Variants in PRPF4 observed in about 807,000 individuals in gnomAD.
PRPF4 encodes pre-mRNA splicing tri-snRNP complex factor PRPF4, also known as U4/U6 small nuclear ribonucleoprotein Prp4.
In PRPF4, 14 loss-of-function variants were observed where a neutral mutation model predicts 72.2. The observed-to-expected ratio is 0.19, with a 90% CI of 0.13 to 0.30. The LOEUF is 0.30. PRPF4 is among the 10% of genes least tolerant of loss of function. The probability of loss-of-function intolerance (pLI) is 1.00; values close to 1 mark genes in which losing one functional copy is unlikely to be tolerated. For missense variants in PRPF4, 478 were observed against 653.9 expected (o/e 0.73, Z 2.93); for synonymous variants, 225 against 232.2 (o/e 0.97, Z 0.28).
rs550478749 is a variant in PRPF4 at position 113,275,703 on chromosome 9, T to C, written c.-41T>C. 254 of 1,600,468 alleles carry C rather than the reference T, an allele frequency of 1.6e-4. No individual in the cohort carries two copies. The highest frequency in any genetic ancestry group is 2.1e-4 in the Non-Finnish European group (242 of 1,173,712). On this transcript the variant is annotated 5_prime_UTR_variant, in exon 1 of 14. Transcript: ENST00000374198. ...GCGCGGTGGACGGTCTGAAAGGGAG[T>C]GTTCGGGTTTCGCTGGGGCCTCGCG... is the stretch of plus-strand genomic sequence containing the variant.
rs771492846 is a variant in PRPF4 at position 113,290,605 on chromosome 9, G to T, written c.1145+17G>T. Reference sequence around the variant, plus strand: ...TGGCACTGGGTAAGGCTTCTCCCATGTAGTCAGGGGCAGTTCAGTACTCTC... The same window carrying T: ...TGGCACTGGGTAAGGCTTCTCCCATTTAGTCAGGGGCAGTTCAGTACTCTC... On this transcript the variant is annotated intron_variant, in intron 11 of 13. Coordinates refer to ENST00000374198, the MANE Select transcript of PRPF4 (RefSeq NM_001244926.2). 4 of 1,614,128 alleles carry T rather than the reference G, an allele frequency of 2.5e-6. No homozygotes were observed. The Admixed American group carries it at 5.0e-5, about 20-fold the overall frequency.
intron 3 of PRPF4, among the ~76,000 whole-genome samples, chr9:113,282,095 GA>G (rs1832298277): frequency 6.6e-6 from 1 of 152,166 alleles, no homozygotes; most frequent in African/African-American, 2.4e-5. Flanking sequence ...GCTTATAGTT[GA>G]ATTTTGGAAA....
At chr9:113,288,800 A>T (rs1371006604) in intron 10 of PRPF4, among the ~76,000 whole-genome samples, 1 of 152,066 alleles carries the variant, frequency 6.6e-6, no homozygotes, top group Non-Finnish European at 1.5e-5. Context: ...GAAAACAAGG[A>T]TTTTCACTCT....
At chr9:113,290,036 A>T (rs1832562843) in intron 10 of PRPF4, among the ~76,000 whole-genome samples, 1 of 152,132 alleles carries the variant, frequency 6.6e-6, no homozygotes, top group South Asian at 2.1e-4. Flanking sequence ...CCTGGCCAAC[A>T]TAGTGAAGCC....
intron 7 of PRPF4, among the ~76,000 whole-genome samples, chr9:113,285,570 G>T (rs891721056): frequency 1.3e-5 from 2 of 151,394 alleles, no homozygotes; most frequent in Admixed American, 1.3e-4. Flanking sequence ...AGTAGAGACA[G>T]GGTTTCACCG....
At chr9:113,288,067 A>G (rs1832501886) in intron 9 of PRPF4, 108 bp from the exon 10 acceptor site, 1 of 992,142 alleles carries the variant, frequency 1.0e-6, no homozygotes, top group Non-Finnish European at 1.5e-6. Flanking sequence ...TGTAGTTACA[A>G]TTTAGCCTCT....
At chr9:113,290,842 G>C (rs541615763) in intron 12 of PRPF4, 35 bp downstream of exon 12, 38 of 1,612,178 alleles carry the variant, frequency 2.4e-5, no homozygotes, top group Non-Finnish European at 3.2e-5. Context: ...GGCGAAAAAG[G>C]GTTCTGGGTC....
chr9:113,285,956 A>T (rs1385992517), intron 7 of PRPF4, among the ~76,000 whole-genome samples: 2 of 152,300 alleles, frequency 1.3e-5, no homozygotes, highest in East Asian at 3.9e-4. Context: ...TGGATAGTTT[A>T]ATTTGCCCCA....
chr9:113,286,381 C>A, intron 8 of PRPF4, 91 bp downstream of exon 8: 1 of 1,199,578 alleles, frequency 8.3e-7, no homozygotes, highest in Non-Finnish European at 1.2e-6. Flanking sequence ...ACCCCATACA[C>A]ACAGCATTAA....
rs138734202 is a variant in PRPF4 at position 113,284,405 on chromosome 9, C to G, written c.749+16C>G. On this transcript the variant is annotated intron_variant, in intron 7 of 13. Coordinates refer to ENST00000374198, the MANE Select transcript of PRPF4 (RefSeq NM_001244926.2). ...CAGCTTGTTGGTAAGTTCCATTTTA[C>G]AATGACATTTTTTCCTAAATGGGGA... The G allele has an allele frequency of 6.3e-7, 1 of 1,584,550 alleles. No individual in the cohort carries two copies. The highest frequency in any genetic ancestry group is 8.7e-7 in the Non-Finnish European group (1 of 1,153,324).
At chr9:113,285,312 G>A (rs1294548292) in intron 7 of PRPF4, among the ~76,000 whole-genome samples, 1 of 142,022 alleles carries the variant, frequency 7.0e-6, no homozygotes, top group African/African-American at 2.6e-5. Context: ...AGACCAGGCT[G>A]GGCAACAATA....
chr9:113,286,617 A>T, intron 8 of PRPF4, 88 bp from the exon 9 acceptor site: 1 of 1,466,284 alleles, frequency 6.8e-7, no homozygotes, highest in Non-Finnish European at 9.5e-7. Context: ...TCACTTGAAT[A>T]CTCTGTATGT....
chr9:113,290,913 C>A lies in PRPF4; in HGVS notation c.1269C>A (p.Thr423=), dbSNP rs138573960. The A allele has an allele frequency of 3.7e-6, 6 of 1,614,012 alleles. No homozygotes were observed. Among genetic ancestry groups the A allele is most frequent in the Non-Finnish European group, 5.1e-6 (6 of 1,180,022 alleles). Residue 423 remains threonine (T), a synonymous_variant, in exon 13 of 14, where the codon ACC becomes ACA. Coordinates refer to ENST00000374198, the MANE Select transcript of PRPF4 (RefSeq NM_001244926.2). ...NFSPNGYHIA[T]GSGDNTCKVW... is the part of the protein sequence containing the mutation. ...CAATCCACAGCTATCACATTGCAAC[C>A]GGCAGTGGTGACAACACCTGCAAAG...
chr9:113,277,254 T>G (rs568373501), intron 2 of PRPF4, among the ~76,000 whole-genome samples: 1 of 152,342 alleles, frequency 6.6e-6, no homozygotes, highest in South Asian at 2.1e-4. Context: ...CAGTGTACAT[T>G]TGGATTCAGA....
At chr9:113,288,037 G>A (rs1181080936) in intron 9 of PRPF4, 138 bp from the exon 10 acceptor site, 2 of 686,506 alleles carry the variant, frequency 2.9e-6, no homozygotes, top group South Asian at 2.1e-5. Flanking sequence ...TTTGCTTATT[G>A]GGCCAAAGTA....
chr9:113,282,456 C>A (rs1440399448), intron 3 of PRPF4, among the ~76,000 whole-genome samples, 190 bp from the exon 4 acceptor site: 2 of 146,878 alleles, frequency 1.4e-5, no homozygotes, highest in Non-Finnish European at 3.0e-5. Flanking sequence ...TGGGCAACAA[C>A]AAGACCTCAT....
At position 113,286,825 on chromosome 9, in the gene PRPF4, A is replaced by G; in HGVS notation, c.929A>G (p.Asp310Gly). ...GGCTCTGTGAAGCTTTGGAGTCTCG[A>G]CAGGTGAATATCACTGTTCTGTGGC... The part of the protein sequence containing the change: ...ADGSVKLWSL[D>G]SDEPVADIEG... The change falls in exon 9 of 14, where the codon GAC (aspartate) becomes GGC (glycine). Residue 310 changes from aspartate (D) to glycine (G), a missense_variant. Asp to Gly is a moderately conservative substitution (Grantham distance 94). Transcript: ENST00000374198. 1 of 1,614,184 alleles carries G rather than the reference A, an allele frequency of 6.2e-7. No individual in the cohort carries two copies. Among genetic ancestry groups the G allele is most frequent in the Non-Finnish European group, 8.5e-7 (1 of 1,180,008 alleles).
chr9:113,275,763 C>G lies in PRPF4; in HGVS notation c.20C>G (p.Ser7Cys). Residue 7 changes from serine (S) to cysteine (C), a missense_variant, in exon 1 of 14, where the codon TCT becomes TGT. Transcript: ENST00000374198. ...CCCAGCATGGCTTCCTCGCGAGCCT[C>G]TTCCACGGTACAGAGCCCGGGATCC... MASSRA[S>C]STATKTKAPD... is the part of the protein sequence containing the mutation. 1 of 1,613,078 alleles carries G rather than the reference C, an allele frequency of 6.2e-7. No individual in the cohort carries two copies. The highest frequency in any genetic ancestry group is 8.5e-7 in the Non-Finnish European group (1 of 1,179,588).
chr9:113,280,736 A>G (rs1832252997), intron 3 of PRPF4, among the ~76,000 whole-genome samples: 1 of 152,230 alleles, frequency 6.6e-6, no homozygotes, highest in South Asian at 2.1e-4. Context: ...CCAATTTACT[A>G]GAATAGCCAC....
Sources: gnomAD v4.1 joint callset for allele counts (sites outside exome capture counted in the v4.1 genomes callset) on GRCh38, gnomAD v4.1.1 for gene constraint, MANE v1.5 for transcripts, NCBI Gene and HGNC (gene_info 2026-07-23, HGNC 2026-07-21) for gene names.